SLC29A3: variants seen among roughly 807,000 people sequenced by gnomAD.
SLC29A3 encodes solute carrier family 29 member 3.
Under a neutral mutation model 25.4 loss-of-function variants are expected in SLC29A3, and 18 were observed. The observed-to-expected ratio is 0.71, with a 90% CI of 0.49 to 1.05. SLC29A3 has a LOEUF of 1.05. Among genes scored for constraint, SLC29A3 ranks in the 50% least tolerant of loss-of-function variants. The pLI, the probability that SLC29A3 is intolerant of heterozygous loss-of-function variation, is 0.00. For missense variants in SLC29A3, 586 were observed against 609.0 expected, an observed-to-expected ratio of 0.96 and a Z score of 0.40; for synonymous variants, 258 against 267.1, an observed-to-expected ratio of 0.97 and a Z score of 0.33.
At chr10:71,347,090 G>C (rs978149300) in intron 3 of SLC29A3, among the ~76,000 whole-genome samples, 1 of 152,188 alleles carries the variant, frequency 6.6e-6, no homozygotes, top group African/African-American at 2.4e-5. Context: ...CTGTTTCCAG[G>C]CTGTGGGAAG....
chr10:71,324,746 T>TTC (rs1387578432), intron 2 of SLC29A3, among the ~76,000 whole-genome samples: 5 of 152,018 alleles, frequency 3.3e-5, no homozygotes, highest in African/African-American at 1.2e-4. Flanking sequence ...GCCCTGAGTA[T>TTC]ATGGAGGGAC....
intron 2 of SLC29A3, among the ~76,000 whole-genome samples, chr10:71,343,209 T>A (rs1846461193): frequency 6.6e-6 from 1 of 152,156 alleles, no homozygotes; most frequent in Non-Finnish European, 1.5e-5. Flanking sequence ...CAAGCCATCC[T>A]CCCACCTTGG....
At position 71,322,984 on chromosome 10, in the gene SLC29A3, AC is replaced by A. The variant is rs1845887621; in HGVS notation, c.231del (p.Trp78GlyfsTer23). The A allele has an allele frequency of 6.2e-7, 1 of 1,614,018 alleles. No homozygotes were observed. Among genetic ancestry groups the A allele is most frequent in the African/African-American group, 1.3e-5 (1 of 74,942 alleles). The stretch of plus-strand genomic sequence containing the variant: ...AACTTCTTTATCACTGCCAAGGAGT[AC>A]TGGATGTTCAAACTCCGCAACTCCT... ...PWNFFITAKEYWMFKLRNSSS... is the reference protein window; with the variant it reads ...PWNFFITAKEXWMFKLRNSSS... On this transcript the variant is annotated frameshift_variant, in exon 2 of 6. Transcript: ENST00000373189. LOFTEE classifies it high-confidence loss of function.
chr10:71,351,623 A>T lies in SLC29A3; in HGVS notation c.445A>T (p.Ile149Leu), dbSNP rs1293013483. The T allele has an allele frequency of 6.2e-7, 1 of 1,614,176 alleles. No homozygotes were observed. The highest frequency in any genetic ancestry group is 1.1e-5 in the South Asian group (1 of 91,076). ...GGTCATCCTGGCCATCTTCATGGTG[A>T]TAACTGCACTGGTGAAGGTGGACAC... ...LTVILAIFMV[I>L]TALVKVDTSS... Residue 149 changes from isoleucine (I) to leucine (L), a missense_variant, in exon 4 of 6, where the codon ATA (isoleucine) becomes TTA (leucine). Physicochemically the swap from Ile to Leu is conservative, Grantham distance 5. Coordinates refer to ENST00000373189, the MANE Select transcript of SLC29A3 (RefSeq NM_018344.6).
chr10:71,326,437 G>T (rs990803538), intron 2 of SLC29A3, among the ~76,000 whole-genome samples: 2 of 152,214 alleles, frequency 1.3e-5, no homozygotes, highest in African/African-American at 2.4e-5. Flanking sequence ...TTCCACAGGC[G>T]CAGGCTTAGC....
At chr10:71,363,791 T>G (rs528947950), downstream of SLC29A3, among the ~76,000 whole-genome samples, 1 of 55,950 alleles carries the variant, frequency 1.8e-5, no homozygotes, top group African/African-American at 4.5e-5. Context: ...GGATTTTTTT[T>G]TCTTTTTTTC....
intron 2 of SLC29A3, among the ~76,000 whole-genome samples, chr10:71,335,170 C>T (rs1846214928): frequency 6.6e-6 from 1 of 152,162 alleles, no homozygotes; most frequent in African/African-American, 2.4e-5. Context: ...CCACCCATTT[C>T]TGCCAGGTGA....
intron 2 of SLC29A3, among the ~76,000 whole-genome samples, chr10:71,328,015 C>T (rs1232210491): frequency 6.6e-6 from 1 of 152,122 alleles, no homozygotes; most frequent in South Asian, 2.1e-4. Flanking sequence ...GCCCTACTTC[C>T]TACCCCGGAG....
chr10:71,335,011 G>GAACA (rs1184620104), intron 2 of SLC29A3, among the ~76,000 whole-genome samples: 56 of 138,940 alleles, frequency 4.0e-4, no homozygotes, highest in Admixed American at 1.0e-3. Flanking sequence ...CCAGCCCCTA[G>GAACA]AACACATTGA....
intron 2 of SLC29A3, among the ~76,000 whole-genome samples, chr10:71,339,354 C>T (rs1846334682): frequency 6.6e-6 from 1 of 152,232 alleles, no homozygotes; most frequent in African/African-American, 2.4e-5. Flanking sequence ...GTCCCACACC[C>T]TGCCTGAGCT....
At chr10:71,363,813 C>CTT (rs557109219), downstream of SLC29A3, among the ~76,000 whole-genome samples, 52 of 118,202 alleles carry the variant, frequency 4.4e-4, 1 homozygote, top group African/African-American at 1.1e-3. Context: ...TTTTTCTTTT[C>CTT]TTTTTTTTTT....
intron 2 of SLC29A3, among the ~76,000 whole-genome samples, chr10:71,335,322 C>G (rs1449588632): frequency 1.3e-5 from 2 of 152,208 alleles, no homozygotes; most frequent in Non-Finnish European, 2.9e-5. Flanking sequence ...ACCCTTGCCT[C>G]CACGCGCCCC....
chr10:71,368,153 C>T (rs993852161), downstream of SLC29A3, among the ~76,000 whole-genome samples: 2 of 151,984 alleles, frequency 1.3e-5, no homozygotes, highest in African/African-American at 4.8e-5. Context: ...TTGTTTGAGC[C>T]CAGGAGGTGG....
chr10:71,364,435 A>T (rs1329222571), downstream of SLC29A3: 1 of 152,024 alleles, frequency 6.6e-6, no homozygotes, highest in East Asian at 1.9e-4. Context: ...AGTAATTTAT[A>T]TTTTTTTCAG....
downstream of SLC29A3, chr10:71,364,152 G>A (rs1476258473): frequency 6.6e-6 from 1 of 152,300 alleles, no homozygotes; most frequent in Non-Finnish European, 1.5e-5. Context: ...AGGTGGAGAG[G>A]GTAGAGAGTG....
intron 4 of SLC29A3, among the ~76,000 whole-genome samples, chr10:71,379,362 C>T (rs1055819641): frequency 6.6e-6 from 1 of 152,222 alleles, no homozygotes; most frequent in African/African-American, 2.4e-5. Flanking sequence ...TTCCATGGCA[C>T]TAAACCCAAA....
rs909850799 is a variant in SLC29A3, at chr10:71,319,385, C to T, written c.1+75C>T. ...CAGACTCGCGCTCAGCGACCTCCCT[C>T]CCGGGCCCTGGGGGCGGCTGCGGGC... On this transcript the variant is annotated intron_variant, in intron 1 of 5. Transcript: ENST00000373189. 4 of 588,340 alleles carry T rather than the reference C, an allele frequency of 6.8e-6. No individual in the cohort carries two copies. In the African/African-American group the frequency reaches 7.9e-5, roughly 12 times the overall value. 36.4% of individuals were successfully genotyped at this position (588,340 alleles called of 1,614,324 possible).
intron 2 of SLC29A3, among the ~76,000 whole-genome samples, chr10:71,329,138 T>C (rs1393121911): frequency 6.6e-6 from 1 of 152,208 alleles, no homozygotes; most frequent in African/African-American, 2.4e-5. Flanking sequence ...GCCATTCCAG[T>C]TGCCAAATGA....
chr10:71,369,856 C>T (rs1847198038), intron 3 of SLC29A3, among the ~76,000 whole-genome samples: 1 of 152,192 alleles, frequency 6.6e-6, no homozygotes, highest in South Asian at 2.1e-4. Context: ...CAGACCAGAG[C>T]TAGGAGGCTC....
Sources: gnomAD v4.1 joint callset for allele counts (sites outside exome capture counted in the v4.1 genomes callset) on GRCh38, gnomAD v4.1.1 for gene constraint, MANE v1.5 for transcripts, NCBI Gene and HGNC (gene_info 2026-07-23, HGNC 2026-07-21) for gene names.